GPHN: variants seen among roughly 807,000 people sequenced by gnomAD.
GPHN encodes the protein gephyrin.
In GPHN, 17 loss-of-function variants were observed where a neutral mutation model predicts 95.5. The ratio of observed to expected loss-of-function variants is 0.18; its 90% confidence interval spans 0.12 to 0.27. GPHN has a LOEUF of 0.27. Among genes scored for constraint, GPHN ranks in the 10% least tolerant of loss-of-function variants. The probability of loss-of-function intolerance (pLI) is 1.00; values close to 1 mark genes in which losing one functional copy is unlikely to be tolerated. For synonymous variants in GPHN, 320 were observed against 322.5 expected (o/e 0.99, Z 0.08); for missense variants, 660 against 978.1 (o/e 0.67, Z 4.34).
chr14:67,179,670 T>C lies in GPHN; in HGVS notation c.2172T>C (p.Ser724=). Reference sequence around the variant, plus strand: ...AAGAACCACTACCTTGGGCACAGAGTACAGGTTAGTCATTCACATCTACAG... The same window carrying C: ...AAGAACCACTACCTTGGGCACAGAGCACAGGTTAGTCATTCACATCTACAG... ...HHQEPLPWAQ[S]TGNQMSSRLM... The change falls in exon 22 of 23, where the codon AGT becomes AGC. Residue 724 remains serine (S), a synonymous_variant. Transcript: ENST00000478722. The C allele has an allele frequency of 2.0e-6, 3 of 1,528,270 alleles. No individual in the cohort carries two copies. Among genetic ancestry groups the C allele is most frequent in the Non-Finnish European group, 2.7e-6 (3 of 1,101,590 alleles). The allele number at this position is 1,528,270 out of a possible 1,614,324, so 94.7% of individuals were successfully genotyped here.
the GPHN span, among the ~76,000 whole-genome samples, chr14:67,469,606 C>T: frequency 1.3e-5 from 2 of 151,986 alleles, no homozygotes; most frequent in Non-Finnish European, 2.9e-5. Context: ...ACTTCTGAAC[C>T]CTCCATCCTC....
chr14:66,513,495 A>G (rs1209321471), intron 1 of GPHN, among the ~76,000 whole-genome samples: 4 of 151,828 alleles, frequency 2.6e-5, no homozygotes, highest in African/African-American at 9.7e-5. Context: ...AGTAAAATAG[A>G]TAAAATCTAT....
chr14:66,985,836 T>C, intron 9 of GPHN: 1 of 612,864 alleles, frequency 1.6e-6, no homozygotes, highest in Admixed American at 3.3e-5. Context: ...TTTTCCATTT[T>C]TCACCATCCC....
the GPHN span, among the ~76,000 whole-genome samples, chr14:67,366,806 G>C: frequency 6.8e-6 from 1 of 146,444 alleles, no homozygotes; most frequent in Non-Finnish European, 1.5e-5. Flanking sequence ...GGCCAAAATT[G>C]AAAATTTGAA....
Position 66,693,702 on chromosome 14 carries a change from C to T in GPHN, c.143+12517C>T, listed in dbSNP as rs368218559. Among the ~76,000 whole-genome samples, 37 of 152,278 alleles carry T rather than the reference C, an allele frequency of 2.4e-4. No homozygotes were observed. In the South Asian group the frequency reaches 6.6e-3, roughly 27 times the overall value. Reference sequence around the variant, plus strand: ...CTATGGACTCACTTGTGAATCTCCTCTGGAAACATTCTCACAAGCATACAC... The same window carrying T: ...CTATGGACTCACTTGTGAATCTCCTTTGGAAACATTCTCACAAGCATACAC... On this transcript the variant is annotated intron_variant, in intron 2 of 22. Transcript: ENST00000478722.
intron 1 of GPHN, among the ~76,000 whole-genome samples, chr14:66,632,219 A>G (rs908187504): frequency 6.6e-6 from 1 of 152,190 alleles, no homozygotes; most frequent in African/African-American, 2.4e-5. Context: ...CACTTGGTAC[A>G]GTGCCTGTCT....
chr14:66,807,255 A>G (rs1353217912), intron 3 of GPHN, among the ~76,000 whole-genome samples: 2 of 152,164 alleles, frequency 1.3e-5, no homozygotes, highest in South Asian at 4.1e-4. Flanking sequence ...ATTACCTCCC[A>G]CCAGGTCCCT....
chr14:67,648,447 T>C, the GPHN span: 1 of 294,964 alleles, frequency 3.4e-6, no homozygotes, highest in Non-Finnish European at 6.3e-6. Flanking sequence ...CAAGAATAAA[T>C]TGTCAAACTG....
At chr14:67,396,417 A>G in the GPHN span, among the ~76,000 whole-genome samples, 3 of 151,284 alleles carry the variant, frequency 2.0e-5, no homozygotes, top group African/African-American at 7.3e-5. Context: ...CAAAGTGCTG[A>G]GATTACAGGC....
chr14:67,042,145 T>G (rs989148767), intron 10 of GPHN, among the ~76,000 whole-genome samples: 1 of 152,120 alleles, frequency 6.6e-6, no homozygotes, highest in Non-Finnish European at 1.5e-5. Flanking sequence ...TTGCAAAAAT[T>G]TTCTCCCATT....
intron 10 of GPHN, 22 bp from the exon 11 acceptor site, chr14:67,058,627 A>C (rs762739030): frequency 6.2e-7 from 1 of 1,603,544 alleles, no homozygotes. Flanking sequence ...TCATATTCTT[A>C]GTTAATTATC....
intron 8 of GPHN, among the ~76,000 whole-genome samples, chr14:66,929,712 TTTC>T: frequency 6.6e-6 from 1 of 151,774 alleles, no homozygotes; most frequent in Admixed American, 6.6e-5. Flanking sequence ...GCTTTTTTTT[TTTC>T]TTTTTTTCTT....
the GPHN span, among the ~76,000 whole-genome samples, chr14:67,565,204 G>C: frequency 2.8e-3 from 424 of 152,102 alleles, 1 homozygote; most frequent in Non-Finnish European, 3.1e-3. Flanking sequence ...TTAGGTACTT[G>C]CCCAAGGTCA....
chr14:66,531,814 T>C (rs2058951406), intron 1 of GPHN, among the ~76,000 whole-genome samples: 2 of 152,260 alleles, frequency 1.3e-5, no homozygotes, highest in Admixed American at 1.3e-4. Flanking sequence ...GGTATTTTTA[T>C]ATTGAAACCC....
intron 9 of GPHN, among the ~76,000 whole-genome samples, chr14:66,975,749 GT>G (rs1462111082): frequency 6.6e-6 from 1 of 152,108 alleles, no homozygotes; most frequent in Non-Finnish European, 1.5e-5. Context: ...GCTGGGCATG[GT>G]GGTAAGTGCC....
Position 67,024,745 on chromosome 14 carries a change from C to G in GPHN, c.1006+1070C>G, listed in dbSNP as rs77339233. On this transcript the variant is annotated intron_variant, in intron 10 of 22. Transcript: ENST00000478722. ...CATCAAGTATTGCCAACCAGGGAAG[C>G]TCACTGAGCCTTAATGTTCAGGGTT... is the stretch of plus-strand genomic sequence containing the variant. 3.0e-3 allele frequency among the ~76,000 whole-genome samples: 453 copies of G among 152,274 alleles called. 3 individuals are homozygous for G. The highest frequency in any genetic ancestry group is 0.01 in the African/African-American group (435 of 41,552).
At chr14:66,704,853 C>CA (rs1274261823) in intron 2 of GPHN, among the ~76,000 whole-genome samples, 2 of 151,804 alleles carry the variant, frequency 1.3e-5, no homozygotes, top group Admixed American at 6.6e-5. Context: ...AAAACCCCTC[C>CA]AAAAAAATCA....
chr14:67,075,315 C>A (rs563973018), intron 11 of GPHN, among the ~76,000 whole-genome samples: 8 of 152,246 alleles, frequency 5.3e-5, no homozygotes, highest in Admixed American at 1.3e-4. Context: ...TTCTTGAGAC[C>A]TCTTATTCAG....
chr14:67,616,480 CAAAAA>C, the GPHN span: 1 of 147,610 alleles, frequency 6.8e-6, no homozygotes, highest in Non-Finnish European at 1.4e-5. Flanking sequence ...TCTGTAATTG[CAAAAA>C]AAAAAAAAGT....
Sources: allele counts gnomAD v4.1 joint callset (sites outside exome capture counted in the v4.1 genomes callset), GRCh38; gene constraint gnomAD v4.1.1; transcripts MANE v1.5; gene names NCBI Gene and HGNC (gene_info 2026-07-23, HGNC 2026-07-21).